The following SLC14A2 variants were observed in gnomAD, a reference collection of about 807,000 sequenced individuals.
SLC14A2 encodes solute carrier family 14 member 2.
SLC14A2 carries 91 observed loss-of-function variants against 104.6 expected under a neutral mutation model. The observed-to-expected ratio is 0.87, with a 90% CI of 0.73 to 1.04. The LOEUF (loss-of-function observed/expected upper bound fraction) is 1.04, where lower values mean the gene tolerates loss of function less well. Among genes scored for constraint, SLC14A2 ranks in the 50% least tolerant of loss-of-function variants. SLC14A2 has a pLI of 0.00. For synonymous variants in SLC14A2, 476 were observed against 466.4 expected (o/e 1.02, Z -0.27); for missense variants, 1,189 against 1,156.0 (o/e 1.03, Z -0.41).
intron 2 of SLC14A2, among the ~76,000 whole-genome samples, chr18:45,532,313 T>C (rs1415542536): frequency 6.6e-6 from 1 of 152,226 alleles, no homozygotes; most frequent in African/African-American, 2.4e-5. Flanking sequence ...TTTCACAATA[T>C]TGACTCTTCC....
intron 1 of SLC14A2, among the ~76,000 whole-genome samples, chr18:45,456,353 T>G (rs2086943532): frequency 1.3e-5 from 2 of 152,356 alleles, no homozygotes; most frequent in South Asian, 4.1e-4. Flanking sequence ...GCAGAGTCAG[T>G]GCCCCCAGGG....
intron 1 of SLC14A2, among the ~76,000 whole-genome samples, chr18:45,326,672 C>T (rs1267627364): frequency 6.6e-6 from 1 of 152,194 alleles, no homozygotes; most frequent in Non-Finnish European, 1.5e-5. Flanking sequence ...GGGCAGAGTG[C>T]TTGTCCTTGT....
intron 8 of SLC14A2, 71 bp from the exon 9 acceptor site, chr18:45,643,061 G>A (rs1395971264): frequency 9.8e-6 from 14 of 1,423,680 alleles, no homozygotes; most frequent in Non-Finnish European, 1.3e-5. Flanking sequence ...TGGGCTCCCT[G>A]GTCTGCAATG....
chr18:45,493,591 G>A (rs1411214444), intron 2 of SLC14A2, among the ~76,000 whole-genome samples: 1 of 152,230 alleles, frequency 6.6e-6, no homozygotes, highest in Non-Finnish European at 1.5e-5. Flanking sequence ...AAAGAGCCAG[G>A]ATTTGAACGA....
In SLC14A2 at chr18:45,288,478, C is replaced by T. The variant is rs2084837372; in HGVS notation, c.-125+75287C>T. ...TTTCCTTGTCTGAGGAAAGGCCCTT[C>T]CCCTACAGGTACCCCTGTTCTGGTG... On this transcript the variant is annotated intron_variant, in intron 1 of 20. Coordinates refer to the SLC14A2 transcript ENST00000586448. Among the ~76,000 whole-genome samples the T allele has an allele frequency of 2.0e-5, 3 of 152,164 alleles. No individual in the cohort carries two copies. The South Asian group carries it at 6.2e-4, about 32-fold the overall frequency.
chr18:45,522,258 G>A (rs2043527785), intron 2 of SLC14A2, among the ~76,000 whole-genome samples: 1 of 152,308 alleles, frequency 6.6e-6, no homozygotes, highest in East Asian at 1.9e-4. Context: ...TGAAAAGGAG[G>A]CATTTTTTTA....
chr18:45,287,934 C>T (rs1349921755), intron 1 of SLC14A2, among the ~76,000 whole-genome samples: 2 of 152,210 alleles, frequency 1.3e-5, no homozygotes, highest in Non-Finnish European at 2.9e-5. Flanking sequence ...TCCTAATATG[C>T]CATCCTAAGA....
intron 1 of SLC14A2, among the ~76,000 whole-genome samples, chr18:45,380,333 C>A (rs1271919301): frequency 6.6e-6 from 1 of 152,172 alleles, no homozygotes; most frequent in African/African-American, 2.4e-5. Flanking sequence ...GGGTTTATTA[C>A]TCTTTGTAGC....
At chr18:45,220,878 G>A (rs1299891182) in intron 1 of SLC14A2, among the ~76,000 whole-genome samples, 4 of 152,246 alleles carry the variant, frequency 2.6e-5, no homozygotes, top group Admixed American at 6.5e-5. Flanking sequence ...TCTCTTTTTG[G>A]TTTACAGAGG....
intron 2 of SLC14A2, among the ~76,000 whole-genome samples, chr18:45,603,433 T>C (rs932415619): frequency 2.0e-5 from 3 of 152,062 alleles, no homozygotes; most frequent in Non-Finnish European, 2.9e-5. Flanking sequence ...GAGTTCACTG[T>C]ATTTATTGGG....
At chr18:45,500,186 A>G (rs928925877) in intron 2 of SLC14A2, among the ~76,000 whole-genome samples, 4 of 152,210 alleles carry the variant, frequency 2.6e-5, no homozygotes, top group African/African-American at 9.6e-5. Flanking sequence ...ACTCCTCCTG[A>G]TCACTTGGCC....
intron 1 of SLC14A2, among the ~76,000 whole-genome samples, chr18:45,426,846 T>C (rs757377150): frequency 2.6e-5 from 4 of 152,048 alleles, no homozygotes; most frequent in Non-Finnish European, 5.9e-5. Flanking sequence ...GCATTGGTCA[T>C]GTGAGTGTGT....
chr18:45,343,257 G>A (rs2085414864), intron 1 of SLC14A2, among the ~76,000 whole-genome samples: 2 of 151,138 alleles, frequency 1.3e-5, no homozygotes, highest in African/African-American at 4.9e-5. Flanking sequence ...TCAGCTCTGA[G>A]ACTCTGCATC....
At chr18:45,331,804 A>G (rs2085293961) in intron 1 of SLC14A2, among the ~76,000 whole-genome samples, 1 of 152,126 alleles carries the variant, frequency 6.6e-6, no homozygotes, top group African/African-American at 2.4e-5. Context: ...TGTTCCATCT[A>G]TTTTCCTGCA....
intron 1 of SLC14A2, among the ~76,000 whole-genome samples, chr18:45,378,654 G>A (rs562947878): frequency 1.3e-5 from 2 of 152,308 alleles, no homozygotes; most frequent in Non-Finnish European, 2.9e-5. Context: ...TCATGTTTAA[G>A]GTTTTGGTGG....
chr18:45,654,864 A>G (rs760299260), intron 10 of SLC14A2, among the ~76,000 whole-genome samples: 1 of 152,132 alleles, frequency 6.6e-6, no homozygotes, highest in Non-Finnish European at 1.5e-5. Flanking sequence ...CATCCTTTCC[A>G]TGACTCTATG....
At chr18:45,643,717 G>T (rs2045571788) in intron 9 of SLC14A2, among the ~76,000 whole-genome samples, 1 of 151,856 alleles carries the variant, frequency 6.6e-6, no homozygotes, top group Non-Finnish European at 1.5e-5. Context: ...TATTTTTTTG[G>T]GTCTCACTTT....
the SLC14A2 span, among the ~76,000 whole-genome samples, chr18:45,203,519 TA>T: frequency 6.6e-6 from 1 of 152,136 alleles, no homozygotes; most frequent in Admixed American, 6.5e-5. Flanking sequence ...CCTACCGAAA[TA>T]AAAATACAAC....
chr18:45,588,974 T>G (rs201933447), intron 2 of SLC14A2, among the ~76,000 whole-genome samples: 4 of 148,146 alleles, frequency 2.7e-5, no homozygotes, highest in East Asian at 4.1e-4. Flanking sequence ...GGTTGGTGGG[T>G]GGGGGGGGGT....
Sources: gnomAD v4.1 joint callset for allele counts (sites outside exome capture counted in the v4.1 genomes callset) on GRCh38, gnomAD v4.1.1 for gene constraint, MANE v1.5 for transcripts, NCBI Gene and HGNC (gene_info 2026-07-23, HGNC 2026-07-21) for gene names.